Variants in LRRC4C observed in about 807,000 individuals in gnomAD.
The protein encoded by LRRC4C is leucine-rich repeat-containing protein 4C.
LRRC4C carries 5 observed loss-of-function variants against 33.6 expected under a neutral mutation model. The ratio of observed to expected loss-of-function variants is 0.15; its 90% CI spans 0.08 to 0.31. The LOEUF (loss-of-function observed/expected upper bound fraction) is 0.31, where lower values mean the gene tolerates loss of function less well. Among genes scored for constraint, LRRC4C ranks in the 10% least tolerant of loss-of-function variants. The probability of loss-of-function intolerance (pLI) is 1.00; values close to 1 mark genes in which losing one functional copy is unlikely to be tolerated. For synonymous variants in LRRC4C, 329 were observed against 302.0 expected, an observed-to-expected ratio of 1.09 and a Z score of -0.93; for missense variants, 560 against 796.7, an observed-to-expected ratio of 0.70 and a Z score of 3.58.
chr11:40,279,608 C>A (rs1042141064), intron 4 of LRRC4C, among the ~76,000 whole-genome samples: 1 of 152,140 alleles, frequency 6.6e-6, no homozygotes, highest in Non-Finnish European at 1.5e-5. Context: ...TGAATTATTT[C>A]AATTCTAACT....
At chr11:40,735,871 T>A (rs1293915479) in intron 2 of LRRC4C, among the ~76,000 whole-genome samples, 66 of 151,352 alleles carry the variant, frequency 4.4e-4, no homozygotes, top group Admixed American at 4.2e-3. Context: ...TGAGATGGTA[T>A]CTCATTGTGG....
At chr11:41,127,272 T>C (rs1386734347) in intron 1 of LRRC4C, among the ~76,000 whole-genome samples, 1 of 151,634 alleles carries the variant, frequency 6.6e-6, no homozygotes, top group Non-Finnish European at 1.5e-5. Flanking sequence ...TTTTTTTTAA[T>C]TTTAGTATTG....
At chr11:40,130,742 C>CT (rs1856591295) in intron 6 of LRRC4C, among the ~76,000 whole-genome samples, 2 of 152,176 alleles carry the variant, frequency 1.3e-5, no homozygotes, top group African/African-American at 4.8e-5. Context: ...TGCCATTCTG[C>CT]TTTCCCAGTT....
intron 1 of LRRC4C, among the ~76,000 whole-genome samples, chr11:41,005,965 TCTCCCTTC>T (rs1190245759): frequency 2.6e-5 from 4 of 151,940 alleles, no homozygotes; most frequent in Admixed American, 2.6e-4. Flanking sequence ...TCCCTCCCTT[TCTCCCTTC>T]CTCCCTTCCT....
At chr11:41,443,041 C>A (rs1955689715) in intron 1 of LRRC4C, among the ~76,000 whole-genome samples, 1 of 149,342 alleles carries the variant, frequency 6.7e-6, no homozygotes, top group African/African-American at 2.5e-5. Context: ...AGTCCAAGAC[C>A]CCTTCTAGTT....
intron 3 of LRRC4C, among the ~76,000 whole-genome samples, chr11:40,617,380 T>C (rs1390173): frequency 0.43 from 65,125 of 151,100 alleles, 15,051 homozygotes; most frequent in Middle Eastern, 0.57. Flanking sequence ...CTGAAATTTG[T>C]TCAAATTTAC....
intron 3 of LRRC4C, among the ~76,000 whole-genome samples, chr11:40,618,676 C>T (rs1457030839): frequency 6.6e-6 from 1 of 151,716 alleles, no homozygotes; most frequent in Non-Finnish European, 1.5e-5. Context: ...GCCATGCTAT[C>T]GCTAGAAAGC....
At chr11:40,298,129 C>A (rs190909028) in intron 4 of LRRC4C, among the ~76,000 whole-genome samples, 3 of 151,982 alleles carry the variant, frequency 2.0e-5, no homozygotes, top group African/African-American at 7.2e-5. Context: ...CTGTGGTGCA[C>A]AAAATTGTAA....
chr11:40,580,949 T>C lies in LRRC4C; in HGVS notation c.-270+67193A>G, dbSNP rs137982370. On this transcript the variant is annotated intron_variant, in intron 3 of 6. Transcript: ENST00000528697. Reference sequence around the variant, plus strand: ...AAAATGAATGATTTCAGATATATTATTGTCACTTAAATATGACCTTGTACT... The same window carrying C: ...AAAATGAATGATTTCAGATATATTACTGTCACTTAAATATGACCTTGTACT... 3.9e-3 allele frequency among the ~76,000 whole-genome samples: 597 copies of C among 152,384 alleles called. 3 individuals carry two copies. Among genetic ancestry groups the C allele is most frequent in the Non-Finnish European group, 5.2e-3 (354 of 68,032 alleles).
intron 1 of LRRC4C, among the ~76,000 whole-genome samples, chr11:41,250,966 A>C (rs1948619743): frequency 6.6e-6 from 1 of 152,204 alleles, no homozygotes; most frequent in South Asian, 2.1e-4. Flanking sequence ...CTCTGTAGAC[A>C]TTTATAGATA....
intron 1 of LRRC4C, among the ~76,000 whole-genome samples, chr11:41,151,815 G>A (rs892152003): frequency 1.3e-5 from 2 of 152,134 alleles, no homozygotes; most frequent in Non-Finnish European, 2.9e-5. Flanking sequence ...AACATTAAGA[G>A]ACTGAGTTAT....
chr11:41,272,643 A>T (rs1949357648), intron 1 of LRRC4C, among the ~76,000 whole-genome samples: 1 of 152,166 alleles, frequency 6.6e-6, no homozygotes, highest in African/African-American at 2.4e-5. Flanking sequence ...AAAACTGCTT[A>T]ATACCGAAGC....
intron 5 of LRRC4C, among the ~76,000 whole-genome samples, chr11:40,144,090 A>AT (rs1247244950): frequency 6.6e-6 from 1 of 152,066 alleles, no homozygotes; most frequent in African/African-American, 2.4e-5. Flanking sequence ...AAGTTATATA[A>AT]TTTTTTTAGG....
chr11:40,779,559 A>G (rs534618387), intron 2 of LRRC4C, among the ~76,000 whole-genome samples: 1 of 152,198 alleles, frequency 6.6e-6, no homozygotes, highest in Non-Finnish European at 1.5e-5. Flanking sequence ...TTTTAAAGGC[A>G]CTATAGCTAA....
intron 3 of LRRC4C, among the ~76,000 whole-genome samples, chr11:40,596,919 C>T (rs947064925): frequency 1.3e-5 from 2 of 151,802 alleles, no homozygotes; most frequent in Non-Finnish European, 2.9e-5. Context: ...GTACATATAC[C>T]CATGGAATAT....
chr11:41,016,475 C>G (rs533624413), intron 1 of LRRC4C, among the ~76,000 whole-genome samples: 4 of 152,276 alleles, frequency 2.6e-5, no homozygotes, highest in Admixed American at 2.0e-4. Context: ...ATTACTTTCC[C>G]AACCACAAAT....
At chr11:40,809,167 A>G (rs984650348) in intron 2 of LRRC4C, among the ~76,000 whole-genome samples, 3 of 152,144 alleles carry the variant, frequency 2.0e-5, no homozygotes, top group African/African-American at 7.2e-5. Context: ...ACTTCTCAAA[A>G]TAGTTTACTG....
intron 1 of LRRC4C, among the ~76,000 whole-genome samples, chr11:41,290,860 C>A (rs1310255471): frequency 6.6e-6 from 1 of 152,000 alleles, no homozygotes; most frequent in Non-Finnish European, 1.5e-5. Flanking sequence ...AACCTCAGAC[C>A]AAGATGATGG....
intron 1 of LRRC4C, among the ~76,000 whole-genome samples, chr11:40,942,903 C>T (rs1958221627): frequency 6.6e-6 from 1 of 152,134 alleles, no homozygotes; most frequent in African/African-American, 2.4e-5. Flanking sequence ...CCCCATAACC[C>T]CTATTACTAA....
Sources: gnomAD v4.1 joint callset for allele counts (sites outside exome capture counted in the v4.1 genomes callset) on GRCh38, gnomAD v4.1.1 for gene constraint, MANE v1.5 for transcripts, NCBI Gene and HGNC (gene_info 2026-07-23, HGNC 2026-07-21) for gene names.